Variants in CD2AP observed in about 807,000 individuals in gnomAD.
CD2AP encodes the protein CD2 associated protein, also known as CD2-associated protein.
CD2AP carries 46 observed loss-of-function variants against 85.1 expected under a neutral mutation model. The ratio of observed to expected loss-of-function variants is 0.54; its 90% CI spans 0.43 to 0.69. The LOEUF (loss-of-function observed/expected upper bound fraction) is 0.69. Among genes scored for constraint, CD2AP ranks in the 30% least tolerant of loss-of-function variants. The pLI is 0.00. For synonymous variants in CD2AP, 255 were observed against 252.9 expected (o/e 1.01, Z -0.08); for missense variants, 769 against 729.5 (o/e 1.05, Z -0.62).
chr6:47,596,057 C>T (rs2114131510), intron 12 of CD2AP, 31 bp downstream of exon 12: 1 of 1,528,552 alleles, frequency 6.5e-7, no homozygotes. Context: ...AATTAGCTTA[C>T]TGATTTACTC....
At chr6:47,479,485 A>G (rs1015872662) in intron 1 of CD2AP, among the ~76,000 whole-genome samples, 4 of 152,216 alleles carry the variant, frequency 2.6e-5, no homozygotes, top group Non-Finnish European at 5.9e-5. Context: ...CCTTTCAGGT[A>G]ACTTTCATAC....
intron 15 of CD2AP, among the ~76,000 whole-genome samples, chr6:47,608,268 A>G (rs1216298906): frequency 6.6e-6 from 1 of 152,194 alleles, no homozygotes; most frequent in African/African-American, 2.4e-5. Flanking sequence ...TTTAAGGCAT[A>G]GATCTCTGCA....
At chr6:47,487,412 C>T (rs1179534855) in intron 1 of CD2AP, among the ~76,000 whole-genome samples, 1 of 152,090 alleles carries the variant, frequency 6.6e-6, no homozygotes, top group African/African-American at 2.4e-5. Context: ...ACTTCTTGGC[C>T]AGGCGCGGTG....
In CD2AP at chr6:47,495,733, G is replaced by A. The variant is rs528936229; in HGVS notation, c.5-7547G>A. Among the ~76,000 whole-genome samples the A allele has an allele frequency of 9.8e-5, 15 of 152,314 alleles. No homozygotes were observed. The South Asian group carries it at 2.9e-3, about 29-fold the overall frequency. On this transcript the variant is annotated intron_variant, in intron 1 of 17. Coordinates refer to ENST00000359314, the MANE Select transcript of CD2AP (RefSeq NM_012120.3). ...TAGCCTTTTTCTTGTAAGGGTGGGA[G>A]TGATGACTTTAAAGCTTTTTACTTG... is the stretch of plus-strand genomic sequence containing the variant.
chr6:47,527,710 G>C (rs1766766752), intron 2 of CD2AP, among the ~76,000 whole-genome samples: 1 of 152,166 alleles, frequency 6.6e-6, no homozygotes, highest in Non-Finnish European at 1.5e-5. Context: ...GCTGCTTGGA[G>C]TACGTTGAGT....
At chr6:47,524,484 G>T (rs959081946) in intron 2 of CD2AP, among the ~76,000 whole-genome samples, 1 of 152,166 alleles carries the variant, frequency 6.6e-6, no homozygotes, top group Non-Finnish European at 1.5e-5. Flanking sequence ...AGGTGGAAAT[G>T]ACATTTTTTA....
intron 2 of CD2AP, among the ~76,000 whole-genome samples, chr6:47,530,857 T>TC (rs2114021546): frequency 6.6e-6 from 1 of 152,336 alleles, no homozygotes; most frequent in African/African-American, 2.4e-5. Context: ...GGAATAGTAT[T>TC]CATTCAGTGT....
chr6:47,531,848 A>G (rs10755736), intron 2 of CD2AP, among the ~76,000 whole-genome samples: 132,825 of 151,850 alleles, frequency 0.87, 58,395 homozygotes, highest in Non-Finnish European at 0.92. Flanking sequence ...CGAGGCAGGC[A>G]GATCACCTGA....
chr6:47,610,971 A>ATATATATATATATATAT lies in CD2AP; in HGVS notation c.1815-1501_1815-1500insATATATATATATATATT. Among the ~76,000 whole-genome samples the ATATATATATATATATAT allele has an allele frequency of 7.4e-3, 837 of 112,608 alleles. 11 individuals carry two copies. Among genetic ancestry groups the ATATATATATATATATAT allele is most frequent in the South Asian group, 0.01 (35 of 3,488 alleles). 73.9% of individuals were successfully genotyped at this position (112,608 alleles called of 152,430 possible). On this transcript the variant is annotated intron_variant, in intron 16 of 17. Transcript: ENST00000359314. ...GATTTATATATATATATATATATGT[A>ATATATATATATATATAT]TTTTTTTTTTTTTTTGAATATAAAA... is the stretch of plus-strand genomic sequence containing the variant.
chr6:47,482,377 T>G (rs908989614), intron 1 of CD2AP, among the ~76,000 whole-genome samples: 1 of 150,990 alleles, frequency 6.6e-6, no homozygotes, highest in East Asian at 1.9e-4. Flanking sequence ...TTGTTTTTTT[T>G]GTCTTTTTTT....
intron 1 of CD2AP, among the ~76,000 whole-genome samples, chr6:47,500,581 C>A (rs754632399): frequency 6.6e-6 from 1 of 152,176 alleles, no homozygotes. Flanking sequence ...GGTGGTTAAT[C>A]TAGCAGTTTG....
chr6:47,578,921 T>C (rs1239310584), intron 8 of CD2AP, among the ~76,000 whole-genome samples: 1 of 152,196 alleles, frequency 6.6e-6, no homozygotes, highest in East Asian at 1.9e-4. Context: ...CCTCCTAAAA[T>C]GCTGGGATTA....
intron 17 of CD2AP, among the ~76,000 whole-genome samples, chr6:47,613,102 G>A (rs1769492481): frequency 6.6e-6 from 1 of 152,126 alleles, no homozygotes; most frequent in African/African-American, 2.4e-5. Context: ...TCATTGTCTT[G>A]CTGTTTTTAC....
At chr6:47,496,289 G>A (rs1479904169) in intron 1 of CD2AP, among the ~76,000 whole-genome samples, 3 of 152,094 alleles carry the variant, frequency 2.0e-5, no homozygotes, top group Non-Finnish European at 4.4e-5. Flanking sequence ...ATACTAATCT[G>A]CTTCCTTCTG....
intron 2 of CD2AP, among the ~76,000 whole-genome samples, chr6:47,526,460 G>A (rs1766730989): frequency 6.6e-6 from 1 of 152,138 alleles, no homozygotes; most frequent in South Asian, 2.1e-4. Context: ...TAGACTATAA[G>A]ATTTTTTAAG....
intron 4 of CD2AP, among the ~76,000 whole-genome samples, chr6:47,551,653 G>A (rs1767527849): frequency 1.3e-5 from 2 of 152,212 alleles, no homozygotes; most frequent in African/African-American, 4.8e-5. Flanking sequence ...TGGTGGCAAA[G>A]AATAACGGTT....
chr6:47,528,863 T>C (rs908851076), intron 2 of CD2AP, among the ~76,000 whole-genome samples: 4 of 152,220 alleles, frequency 2.6e-5, no homozygotes, highest in African/African-American at 9.6e-5. Context: ...TTTGCTTTTT[T>C]ATTGTTGACT....
intron 17 of CD2AP, among the ~76,000 whole-genome samples, chr6:47,614,171 A>C (rs1010208529): frequency 6.6e-6 from 1 of 152,210 alleles, no homozygotes; most frequent in Admixed American, 6.6e-5. Flanking sequence ...TGTTCACTGC[A>C]GTAGCACTTT....
Position 47,626,046 on chromosome 6 carries a change from T to C in CD2AP, c.*1819T>C, listed in dbSNP as rs1240741176. 4 of 152,034 alleles carry C rather than the reference T, an allele frequency of 2.6e-5. No individual in the cohort carries two copies. The highest frequency in any genetic ancestry group is 5.9e-5 in the Non-Finnish European group (4 of 67,790). The allele number at this position is 152,034 out of a possible 1,614,324, so 9.4% of individuals were successfully genotyped here. A position where few individuals can be genotyped will look rare whatever the true frequency, so the allele number is the denominator to read the frequency against. ...ACAAAAATATTGTAATCCTAGAAAT[T>C]ATCCTCCAGCTTTCTCACCTGAAAA... is the stretch of plus-strand genomic sequence containing the variant. On this transcript the variant is annotated 3_prime_UTR_variant, in exon 18 of 18. Transcript: ENST00000359314.
Sources: gnomAD v4.1 joint callset for allele counts (sites outside exome capture counted in the v4.1 genomes callset) on GRCh38, gnomAD v4.1.1 for gene constraint, MANE v1.5 for transcripts, NCBI Gene and HGNC (gene_info 2026-07-23, HGNC 2026-07-21) for gene names.